Variants in SIGLEC6 observed in about 807,000 individuals in gnomAD.
The protein encoded by SIGLEC6 is sialic acid-binding Ig-like lectin 6.
In SIGLEC6, 31 loss-of-function variants were observed where a neutral mutation model predicts 41.4. The ratio of observed to expected loss-of-function variants is 0.75; its 90% confidence interval spans 0.56 to 1.01. The LOEUF is 1.01. Ranked by LOEUF, SIGLEC6 falls within the 50% of genes least tolerant of loss-of-function variation. The pLI is 0.00. For missense variants in SIGLEC6, 555 were observed against 558.6 expected (o/e 0.99, Z 0.06); for synonymous variants, 217 against 231.0 (o/e 0.94, Z 0.55).
intron 7 of SIGLEC6, among the ~76,000 whole-genome samples, chr19:51,527,417 T>C (rs1979414130): frequency 6.6e-6 from 1 of 152,230 alleles, no homozygotes; most frequent in Non-Finnish European, 1.5e-5. Flanking sequence ...CTAAGTTTTG[T>C]TCATTTCTTT....
intron 6 of SIGLEC6, 46 bp downstream of exon 6, chr19:51,528,114 C>T (rs777030127): frequency 6.5e-7 from 1 of 1,537,672 alleles, no homozygotes; most frequent in Non-Finnish European, 9.0e-7. Flanking sequence ...CCTGTGTGCC[C>T]TTCCCACATG....
In SIGLEC6 at chr19:51,529,777, C is replaced by T. The variant is rs140843177; in HGVS notation, c.959G>A (p.Arg320His). 1.6e-4 allele frequency: 266 copies of T among 1,614,156 alleles called. No individual in the cohort carries two copies. In the East Asian group the frequency reaches 4.9e-3, roughly 30 times the overall value. ...GSAEEGDFTCRAQHPLGSLQI... is the reference protein window; with the variant it reads ...GSAEEGDFTCHAQHPLGSLQI... ...CAGGGAGCCCAGAGGATGCTGAGCACGGCAGGTGAAATCTCCTTCTTCTGC... is the reference window on the plus strand; with the variant it reads ...CAGGGAGCCCAGAGGATGCTGAGCATGGCAGGTGAAATCTCCTTCTTCTGC... Residue 320 changes from arginine (R) to histidine (H), a missense_variant, in exon 5 of 8, where the codon CGT (arginine) becomes CAT (histidine). By Grantham distance (29) the Arg-to-His change is conservative (BLOSUM62 0). Transcript: ENST00000425629.
rs1980158023 is a variant in SIGLEC6 at position 51,530,787 on chromosome 19, G to A, written c.600C>T (p.Leu200=). 1 of 1,614,110 alleles carries A rather than the reference G, an allele frequency of 6.2e-7. No homozygotes were observed. Among genetic ancestry groups the A allele is most frequent in the Non-Finnish European group, 8.5e-7 (1 of 1,180,002 alleles). Residue 200 remains leucine, a synonymous_variant, in exon 3 of 8, where the codon CTC becomes CTT. Coordinates refer to ENST00000425629, the MANE Select transcript of SIGLEC6 (RefSeq NM_001245.7). ...GGTCCTGGGGCCGTGGGGTGATTGT[G>A]AGCACCGAGGACTGGGTGGTCCTGG... The part of the protein sequence containing the change: ...LGPRTTQSSV[L]TITPRPQDHS...
At chr19:51,528,867 G>C (rs1240728994) in intron 5 of SIGLEC6, among the ~76,000 whole-genome samples, 1 of 151,902 alleles carries the variant, frequency 6.6e-6, no homozygotes, top group Admixed American at 6.6e-5. Context: ...TGTAGTGCCA[G>C]CTACTCGGGA....
Position 51,518,896 on chromosome 19 carries a change from G to T in SIGLEC6, c.*1186C>A, listed in dbSNP as rs543164142. ...GATGGAAACCTTATTTTGGGGAGTCGTGAAGAGTTCTGAACAGGGGGTGAC... is the reference window on the plus strand; with the variant it reads ...GATGGAAACCTTATTTTGGGGAGTCTTGAAGAGTTCTGAACAGGGGGTGAC... On this transcript the variant is annotated 3_prime_UTR_variant, in exon 8 of 8. Coordinates refer to ENST00000425629, the MANE Select transcript of SIGLEC6 (RefSeq NM_001245.7). Among the ~76,000 whole-genome samples the T allele has an allele frequency of 6.6e-6, 1 of 152,246 alleles. No homozygotes were observed. The highest frequency in any genetic ancestry group is 2.1e-4 in the South Asian group (1 of 4,826).
chr19:51,531,174 G>A lies in SIGLEC6; in HGVS notation c.413C>T (p.Ser138Phe). Residue 138 changes from serine (S) to phenylalanine (F), a missense_variant, in exon 2 of 8, where the codon TCT (serine) becomes TTT (phenylalanine). Physicochemically the swap from Ser to Phe is radical, Grantham distance 155 (BLOSUM62 -2). Coordinates refer to ENST00000425629, the MANE Select transcript of SIGLEC6 (RefSeq NM_001245.7). ...TGGTTCCTTACCCATCACACGCACA[G>A]AGAGCTTGGAAGATGTATAACCGTA... ...MKYGYTSSKL[S>F]VRVMALTHRP... 1 of 1,588,844 alleles carries A rather than the reference G, an allele frequency of 6.3e-7. No individual in the cohort carries two copies.
intron 7 of SIGLEC6, among the ~76,000 whole-genome samples, 176 bp downstream of exon 7, chr19:51,527,571 T>G (rs1447362524): frequency 6.6e-6 from 1 of 152,238 alleles, no homozygotes; most frequent in Non-Finnish European, 1.5e-5. Flanking sequence ...AATGTTACTA[T>G]TTTAAATTAT....
chr19:51,527,695 C>A (rs1979468607), intron 7 of SIGLEC6, 52 bp downstream of exon 7: 3 of 1,513,950 alleles, frequency 2.0e-6, no homozygotes, highest in Non-Finnish European at 2.7e-6. Flanking sequence ...TTACTTAGGG[C>A]AGCATTCAAA....
At position 51,529,709 on chromosome 19, in the gene SIGLEC6, TC is replaced by T. The variant is rs781003468; in HGVS notation, c.1012+14del. ...CCAGCTGCCCACACTCTCGCGCACC[TC>T]CCCCCACACTCACAATGCACAAAGA... On this transcript the variant is annotated intron_variant, in intron 5 of 7. Coordinates refer to ENST00000425629, the MANE Select transcript of SIGLEC6 (RefSeq NM_001245.7). The T allele has an allele frequency of 1.9e-6, 3 of 1,613,562 alleles. No homozygotes were observed. Among genetic ancestry groups the T allele is most frequent in the African/African-American group, 2.7e-5 (2 of 74,890 alleles).
rs183098064 is a variant in SIGLEC6, at chr19:51,522,676, G to A, written c.1189-2421C>T. ...TATGGTGGCTCACGCCTGTAGTCCC[G>A]ACTACTCGGGAGTCTGAGGCTGGAG... On this transcript the variant is annotated intron_variant, in intron 7 of 7. Coordinates refer to ENST00000425629, the MANE Select transcript of SIGLEC6 (RefSeq NM_001245.7). Among the ~76,000 whole-genome samples the A allele has an allele frequency of 3.1e-3, 473 of 151,918 alleles. 6 individuals are homozygous for A. Among genetic ancestry groups the A allele is most frequent in the Non-Finnish European group, 2.5e-3 (171 of 67,980 alleles).
rs1413007901 is a variant in SIGLEC6 at position 51,530,877 on chromosome 19, C to T, written c.510G>A (p.Trp170Ter). 6.2e-7 allele frequency: 1 copy of T among 1,613,814 alleles called. No individual in the cohort carries two copies. Among genetic ancestry groups the T allele is most frequent in the Non-Finnish European group, 8.5e-7 (1 of 1,179,988 alleles). Reference sequence around the variant, plus strand: ...TGGGGGGCGTCCCCTGCTCACAGACCCAGGGCACAGAGCAGGTCAGATTGC... The same window carrying T: ...TGGGGGGCGTCCCCTGCTCACAGACTCAGGGCACAGAGCAGGTCAGATTGC... ...HPSNLTCSVP[W>*]VCEQGTPPIF... Residue 170 changes from tryptophan (W) to a stop codon, truncating the protein, a stop_gained, in exon 3 of 8, where the codon TGG becomes TGA. Coordinates refer to ENST00000425629, the MANE Select transcript of SIGLEC6 (RefSeq NM_001245.7). LOFTEE classifies it high-confidence loss of function.
At chr19:51,530,248 G>A (rs987748426) in intron 4 of SIGLEC6, among the ~76,000 whole-genome samples, 189 bp downstream of exon 4, 50 of 152,240 alleles carry the variant, frequency 3.3e-4, no homozygotes, top group African/African-American at 1.2e-3. Flanking sequence ...ACAAGCAAGA[G>A]AGAAGAGGGA....
rs1468402009 is a variant in SIGLEC6 at position 51,529,890 on chromosome 19, T to A, written c.846A>T (p.Ala282=). 3 of 1,613,996 alleles carry A rather than the reference T, an allele frequency of 1.9e-6. No individual in the cohort carries two copies. The Admixed American group carries it at 5.0e-5, about 27-fold the overall frequency. Residue 282 remains alanine (A), a synonymous_variant, in exon 5 of 8, where the codon GCA becomes GCT. Coordinates refer to ENST00000425629, the MANE Select transcript of SIGLEC6 (RefSeq NM_001245.7). ...GGAAGCCCTGGAACCAGCTCAGGTG[T>A]GCAGGGGGGTTGCCGTCAGCATCAC... The part of the protein sequence containing the change: ...LLCDADGNPP[A]HLSWFQGFPA...
chr19:51,531,633 C>T lies in SIGLEC6; in HGVS notation c.16G>A (p.Glu6Lys), dbSNP rs199699519. 1.2e-3 allele frequency: 1,865 copies of T among 1,607,098 alleles called. 8 individuals are homozygous for T. Among genetic ancestry groups the T allele is most frequent in the Non-Finnish European group, 1.5e-3 (1,717 of 1,176,824 alleles). MQGAQ[E>K]ASASEMLPLL... ...GGTAGCATCTCTGAGGCGGAGGCTT[C>T]CTGGGCTCCCTGCATGAGCAGAGAA... Residue 6 changes from glutamate (E) to lysine (K), a missense_variant, in exon 1 of 8, where the codon GAA (glutamate) becomes AAA (lysine). Transcript: ENST00000425629.
intron 4 of SIGLEC6, 126 bp from the exon 5 acceptor site, chr19:51,530,107 T>A: frequency 8.3e-7 from 1 of 1,211,516 alleles, no homozygotes; most frequent in Non-Finnish European, 1.2e-6. Flanking sequence ...CCTCAGGTCT[T>A]CAGAAAAGCC....
chr19:51,526,509 G>A (rs975646827), intron 7 of SIGLEC6, among the ~76,000 whole-genome samples: 1 of 152,158 alleles, frequency 6.6e-6, no homozygotes, highest in Non-Finnish European at 1.5e-5. Flanking sequence ...ACAAAGCGTT[G>A]GCCTTCTGAA....
chr19:51,527,543 C>A (rs79340422), intron 7 of SIGLEC6, among the ~76,000 whole-genome samples: 4,936 of 152,176 alleles, frequency 0.032, 269 homozygotes, highest in African/African-American at 0.11. Flanking sequence ...TTCATCAGAA[C>A]TATTAGATTC....
In SIGLEC6 at chr19:51,520,162, C is replaced by G; in HGVS notation, c.1282G>C (p.Val428Leu). 1 of 1,609,390 alleles carries G rather than the reference C, an allele frequency of 6.2e-7. No homozygotes were observed. The highest frequency in any genetic ancestry group is 8.5e-7 in the Non-Finnish European group (1 of 1,176,380). The stretch of plus-strand genomic sequence containing the variant: ...GGTTGCACCTTGTGGAAGTGTAGGA[C>G]AGCGTAGTGGAGCTCCTGCTCATCT... ...SEDEQELHYA[V>L]LHFHKVQPQE... The change falls in exon 8 of 8, where the codon GTC becomes CTC. Residue 428 changes from valine to leucine, a missense_variant. By Grantham distance (32) the Val-to-Leu change is conservative. Coordinates refer to ENST00000425629, the MANE Select transcript of SIGLEC6 (RefSeq NM_001245.7).
At chr19:51,523,954 C>T (rs987985254) in intron 7 of SIGLEC6, among the ~76,000 whole-genome samples, 1 of 151,920 alleles carries the variant, frequency 6.6e-6, no homozygotes, top group Non-Finnish European at 1.5e-5. Context: ...ACCCAGGAAG[C>T]GGAGCTTGCC....
Sources: gnomAD v4.1 joint callset for allele counts (sites outside exome capture counted in the v4.1 genomes callset) on GRCh38, gnomAD v4.1.1 for gene constraint, MANE v1.5 for transcripts, NCBI Gene and HGNC (gene_info 2026-07-23, HGNC 2026-07-21) for gene names.